Variants in CHD1 observed in about 807,000 individuals in gnomAD.
CHD1 encodes ATP-dependent chromatin remodeler CHD1.
A neutral mutation model predicts 224.2 loss-of-function variants in CHD1; 36 were observed. The ratio of observed to expected loss-of-function variants is 0.16; its 90% CI spans 0.12 to 0.21. The LOEUF (loss-of-function observed/expected upper bound fraction) is 0.21, where lower values mean the gene tolerates loss of function less well. Among genes scored for constraint, CHD1 ranks in the 10% least tolerant of loss-of-function variants. CHD1 has a pLI of 1.00. For missense variants in CHD1, 1,378 were observed against 1,994.8 expected, an observed-to-expected ratio of 0.69 and a Z score of 5.89; for synonymous variants, 668 against 658.3, an observed-to-expected ratio of 1.01 and a Z score of -0.23.
chr5:98,886,616 G>GAA (rs1750666362), intron 17 of CHD1, among the ~76,000 whole-genome samples: 2 of 152,068 alleles, frequency 1.3e-5, no homozygotes, highest in African/African-American at 4.8e-5. Flanking sequence ...GTTACTATAT[G>GAA]AATTTTAACT....
rs1747937193 is a variant in CHD1 at position 98,855,265 on chromosome 5, TA to T, written c.*1114del. 2 of 152,720 alleles carry T rather than the reference TA, an allele frequency of 1.3e-5. No individual in the cohort carries two copies. Among genetic ancestry groups the T allele is most frequent in the African/African-American group, 4.8e-5 (2 of 41,562 alleles). 9.5% of individuals were successfully genotyped at this position (152,720 alleles called of 1,614,324 possible). The stretch of plus-strand genomic sequence containing the variant: ...TTTTATATACAATCAGTGTGCATTG[TA>T]ACAGTTTATATTAAAAGTCAATCAA... On this transcript the variant is annotated 3_prime_UTR_variant, in exon 36 of 36. Transcript: ENST00000614616.
In CHD1 at chr5:98,884,722, T is replaced by C. The variant is rs1392218064; in HGVS notation, c.2568+856A>G. ...GTTGTTTTTGGGTTTTTTCTTTCCC[T>C]TTTTTTTTTTTTGAGACAGAGTCTC... is the stretch of plus-strand genomic sequence containing the variant. On this transcript the variant is annotated intron_variant, in intron 18 of 35. Transcript: ENST00000614616. Among the ~76,000 whole-genome samples, 11 of 138,776 alleles carry C rather than the reference T, an allele frequency of 7.9e-5. No homozygotes were observed. In the East Asian group the frequency reaches 1.4e-3, roughly 18 times the overall value. 91.0% of individuals were successfully genotyped at this position (138,776 alleles called of 152,430 possible).
chr5:98,927,083 T>C (rs573419514), intron 1 of CHD1, among the ~76,000 whole-genome samples: 2 of 152,264 alleles, frequency 1.3e-5, no homozygotes, highest in East Asian at 1.9e-4. Flanking sequence ...AAAATAAATG[T>C]GTTATTTAAC....
chr5:98,907,088 TGTTA>T (rs1752091711), intron 2 of CHD1, among the ~76,000 whole-genome samples: 1 of 152,208 alleles, frequency 6.6e-6, no homozygotes, highest in Non-Finnish European at 1.5e-5. Context: ...AAAAACTGCT[TGTTA>T]ACAAATCAAA....
intron 2 of CHD1, among the ~76,000 whole-genome samples, chr5:98,915,717 C>G (rs2112612392): frequency 6.6e-6 from 1 of 152,056 alleles, no homozygotes; most frequent in South Asian, 2.1e-4. Context: ...TCCAAAAAAT[C>G]AAGTGAGGTG....
intron 18 of CHD1, chr5:98,883,845 ATATATATATATATATATTTTTT>A (rs1168282544): frequency 5.5e-5 from 2 of 36,240 alleles, no homozygotes; most frequent in Non-Finnish European, 9.8e-5. Flanking sequence ...ATATATATAT[ATATATATATATATATATTTTTT>A]TTTTTTTTTT....
intron 16 of CHD1, among the ~76,000 whole-genome samples, 199 bp from the exon 17 acceptor site, chr5:98,888,439 C>G (rs1405301000): frequency 6.6e-6 from 1 of 152,188 alleles, no homozygotes; most frequent in Non-Finnish European, 1.5e-5. Flanking sequence ...TTTGCCATAT[C>G]ACACCTAGGT....
At chr5:98,898,162 C>T in intron 10 of CHD1, 94 bp downstream of exon 10, 1 of 661,962 alleles carries the variant, frequency 1.5e-6, no homozygotes, top group Non-Finnish European at 2.2e-6. Flanking sequence ...CTTAGTCTAT[C>T]TGAAATCAGG....
intron 2 of CHD1, among the ~76,000 whole-genome samples, chr5:98,915,216 A>T (rs1752662239): frequency 6.6e-6 from 1 of 152,218 alleles, no homozygotes; most frequent in Non-Finnish European, 1.5e-5. Flanking sequence ...CATTTGTACA[A>T]CTCTGAAAAC....
At chr5:98,895,473 C>T (rs1025531477) in intron 12 of CHD1, among the ~76,000 whole-genome samples, 2 of 152,126 alleles carry the variant, frequency 1.3e-5, no homozygotes. Flanking sequence ...GTAAAATAGG[C>T]TGGTATGGTG....
intron 15 of CHD1, among the ~76,000 whole-genome samples, chr5:98,892,106 G>C (rs920768207): frequency 5.3e-5 from 8 of 152,068 alleles, no homozygotes; most frequent in African/African-American, 1.9e-4. Flanking sequence ...TATAGATCTT[G>C]ACATACAAAA....
chr5:98,925,277 A>G (rs1428329479), intron 2 of CHD1, among the ~76,000 whole-genome samples: 1 of 152,136 alleles, frequency 6.6e-6, no homozygotes, highest in Non-Finnish European at 1.5e-5. Flanking sequence ...TTTTTTATAA[A>G]TTACAGACAA....
At position 98,879,468 on chromosome 5, in the gene CHD1, A is replaced by G. The variant is rs1347197045; in HGVS notation, c.3237+84T>C. 4 of 1,233,304 alleles carry G rather than the reference A, an allele frequency of 3.2e-6. No homozygotes were observed. In the East Asian group the frequency reaches 9.6e-5, roughly 30 times the overall value. The allele number at this position is 1,233,304 out of a possible 1,614,324, so 76.4% of individuals were successfully genotyped here. On this transcript the variant is annotated intron_variant, in intron 23 of 35. Coordinates refer to ENST00000614616, the MANE Select transcript of CHD1 (RefSeq NM_001270.4). The stretch of plus-strand genomic sequence containing the variant: ...CCATTACAAGAAAAGAAAACTATGG[A>G]CTGATACCTCGTAGAAACAAACAAA...
chr5:98,918,280 C>T (rs574674075), intron 2 of CHD1, among the ~76,000 whole-genome samples: 14 of 151,370 alleles, frequency 9.2e-5, no homozygotes, highest in Middle Eastern at 3.4e-3. Flanking sequence ...AGGATGGTCT[C>T]GATCTCCTGA....
At position 98,856,631 on chromosome 5, in the gene CHD1, G is replaced by A. The variant is rs1748054756; in HGVS notation, c.4882C>T (p.His1628Tyr). Residue 1628 changes from histidine to tyrosine, a missense_variant, in exon 36 of 36, where the codon CAT (histidine) becomes TAT (tyrosine). Around this residue, in one of 16 missense-constraint regions of CHD1, gnomAD observed 278 missense variants for 298.5 expected, o/e 0.93. Coordinates refer to ENST00000614616, the MANE Select transcript of CHD1 (RefSeq NM_001270.4). Reference sequence around the variant, plus strand: ...TCTGAGTGAGAACGATGATCAGAATGAGATCTATCTTTTAAACTTCCTTCC... The same window carrying A: ...TCTGAGTGAGAACGATGATCAGAATAAGATCTATCTTTTAAACTTCCTTCC... ...NLEGSLKDRS[H>Y]SDHRSHSDHR... The A allele has an allele frequency of 6.2e-7, 1 of 1,613,474 alleles. No homozygotes were observed. Among genetic ancestry groups the A allele is most frequent in the African/African-American group, 1.3e-5 (1 of 74,864 alleles).
At chr5:98,868,375 A>G (rs573700255) in intron 31 of CHD1, 120 bp downstream of exon 31, 1 of 795,544 alleles carries the variant, frequency 1.3e-6, no homozygotes. Flanking sequence ...TTTCAAATAC[A>G]TTGCTTTTAT....
chr5:98,912,779 C>T (rs934548968), intron 2 of CHD1, among the ~76,000 whole-genome samples: 1 of 152,182 alleles, frequency 6.6e-6, no homozygotes, highest in African/African-American at 2.4e-5. Context: ...TGTATTTAAA[C>T]ATTATACGTA....
chr5:98,923,978 G>A (rs1348971684), intron 2 of CHD1, among the ~76,000 whole-genome samples: 5 of 152,244 alleles, frequency 3.3e-5, no homozygotes, highest in South Asian at 2.1e-4. Context: ...ATGTGAGGCC[G>A]GGTGTGGCAG....
chr5:98,896,759 A>G (rs1451740942), intron 11 of CHD1, among the ~76,000 whole-genome samples: 2 of 149,290 alleles, frequency 1.3e-5, no homozygotes, highest in South Asian at 2.1e-4. Flanking sequence ...GATATATTAA[A>G]TAAGTAAAAA....
Sources: allele counts gnomAD v4.1 joint callset (sites outside exome capture counted in the v4.1 genomes callset), GRCh38; gene constraint gnomAD v4.1.1; regional missense constraint gnomAD v4.1.1; transcripts MANE v1.5; gene names NCBI Gene and HGNC (gene_info 2026-07-23, HGNC 2026-07-21).